SFMBT1: variants seen among roughly 807,000 people sequenced by gnomAD.
The protein encoded by SFMBT1 is Scm like with four mbt domains 1, also known as scm-like with four MBT domains protein 1.
In SFMBT1, 32 loss-of-function variants were observed where a neutral mutation model predicts 108.7. The observed-to-expected ratio is 0.29, with a 90% confidence interval of 0.22 to 0.40. The LOEUF (loss-of-function observed/expected upper bound fraction) is 0.40, where lower values mean the gene tolerates loss of function less well. Ranked by LOEUF, SFMBT1 falls within the 10% of genes least tolerant of loss-of-function variation. SFMBT1 has a pLI of 1.00. For synonymous variants in SFMBT1, 348 were observed against 369.5 expected (o/e 0.94, Z 0.67); for missense variants, 816 against 1,059.6 (o/e 0.77, Z 3.19).
At chr3:53,032,182 C>G (rs1575450816) in intron 1 of SFMBT1, among the ~76,000 whole-genome samples, 1 of 152,160 alleles carries the variant, frequency 6.6e-6, no homozygotes, top group East Asian at 1.9e-4. Context: ...CCAGCCTGGA[C>G]AACATGGCAA....
At chr3:53,013,615 CTTTTTTTTTTTTTTTT>C (rs397989629) in intron 1 of SFMBT1, among the ~76,000 whole-genome samples, 3 of 58,082 alleles carry the variant, frequency 5.2e-5, no homozygotes, top group African/African-American at 8.4e-5. Flanking sequence ...TATAAAGAAT[CTTTTTTTTTTTTTTTT>C]TTTTTTTTTT....
At chr3:52,911,407 T>A (rs1256634021) in intron 16 of SFMBT1, among the ~76,000 whole-genome samples, 1 of 152,212 alleles carries the variant, frequency 6.6e-6, no homozygotes, top group East Asian at 1.9e-4. Context: ...ATTAGCAAAA[T>A]TAAGCTCCTG....
intron 2 of SFMBT1, among the ~76,000 whole-genome samples, chr3:52,957,187 A>G (rs1703811221): frequency 1.3e-5 from 2 of 152,160 alleles, no homozygotes; most frequent in Non-Finnish European, 2.9e-5. Context: ...ACAACAGACA[A>G]GCAGAAAGCC....
chr3:52,927,524 ATT>A (rs1702692636), intron 9 of SFMBT1, among the ~76,000 whole-genome samples: 1 of 152,240 alleles, frequency 6.6e-6, no homozygotes, highest in Non-Finnish European at 1.5e-5. Flanking sequence ...ATTTGCTAAT[ATT>A]AAAAAATCAG....
At chr3:52,948,792 C>A (rs1025770598) in intron 3 of SFMBT1, among the ~76,000 whole-genome samples, 2 of 148,422 alleles carry the variant, frequency 1.3e-5, no homozygotes, top group African/African-American at 2.5e-5. Context: ...GCTAGGATTA[C>A]AGGTGTGCTC....
chr3:52,956,531 C>A (rs1336225904), intron 2 of SFMBT1, among the ~76,000 whole-genome samples: 3 of 152,014 alleles, frequency 2.0e-5, no homozygotes, highest in African/African-American at 4.8e-5. Context: ...AAGGCCGAGG[C>A]TGGTGGACGA....
At chr3:52,935,931 G>A (rs1484798287) in intron 4 of SFMBT1, among the ~76,000 whole-genome samples, 1 of 152,014 alleles carries the variant, frequency 6.6e-6, no homozygotes, top group Non-Finnish European at 1.5e-5. Flanking sequence ...GATTTCATTG[G>A]TTACGTCCCT....
At chr3:53,037,880 G>A (rs1054526716) in intron 1 of SFMBT1, among the ~76,000 whole-genome samples, 1 of 152,108 alleles carries the variant, frequency 6.6e-6, no homozygotes, top group Non-Finnish European at 1.5e-5. Flanking sequence ...AGGCCAAGGC[G>A]GATGGATCGC....
chr3:52,916,105 A>C (rs1412130907), intron 14 of SFMBT1, 45 bp downstream of exon 14: 2 of 1,538,954 alleles, frequency 1.3e-6, no homozygotes, highest in South Asian at 2.3e-5. Flanking sequence ...TAGTCCATTA[A>C]AAGAAACTAA....
chr3:52,932,017 T>C (rs772750041), intron 6 of SFMBT1, 45 bp downstream of exon 6: 3 of 1,587,678 alleles, frequency 1.9e-6, no homozygotes, highest in South Asian at 2.3e-5. Flanking sequence ...ATTAATAACA[T>C]AGCATGTTAA....
intron 2 of SFMBT1, among the ~76,000 whole-genome samples, chr3:52,968,321 G>A (rs1488398877): frequency 9.2e-5 from 14 of 152,102 alleles, no homozygotes. Context: ...TTGTGGTGAT[G>A]GAATAGTTCT....
chr3:53,003,534 G>A (rs1326809315), intron 1 of SFMBT1, among the ~76,000 whole-genome samples: 2 of 149,872 alleles, frequency 1.3e-5, no homozygotes, highest in African/African-American at 4.9e-5. Flanking sequence ...TATTCTCTCC[G>A]TTTTTCCGTA....
At chr3:53,034,868 G>A (rs999061107) in intron 1 of SFMBT1, among the ~76,000 whole-genome samples, 3 of 152,236 alleles carry the variant, frequency 2.0e-5, no homozygotes, top group Non-Finnish European at 4.4e-5. Context: ...GAACCCTGGA[G>A]GCAGAGGCTG....
At chr3:53,041,307 T>A (rs1223696991) in intron 1 of SFMBT1, among the ~76,000 whole-genome samples, 3 of 152,122 alleles carry the variant, frequency 2.0e-5, no homozygotes, top group Admixed American at 1.3e-4. Context: ...GTCATATGAT[T>A]TTTCTATTAA....
intron 8 of SFMBT1, among the ~76,000 whole-genome samples, chr3:52,928,853 A>G (rs1702770176): frequency 6.6e-6 from 1 of 151,422 alleles, no homozygotes; most frequent in South Asian, 2.1e-4. Flanking sequence ...ACAGGCATGC[A>G]CCACCATGCC....
chr3:52,937,589 T>A (rs1469903294), intron 4 of SFMBT1, among the ~76,000 whole-genome samples: 1 of 146,704 alleles, frequency 6.8e-6, no homozygotes, highest in African/African-American at 2.5e-5. Context: ...TGATTCATTC[T>A]TTTTTTTTTT....
At chr3:52,921,560 T>G in intron 11 of SFMBT1, 145 bp downstream of exon 11, 1 of 850,862 alleles carries the variant, frequency 1.2e-6, no homozygotes, top group East Asian at 2.8e-5. Flanking sequence ...AATAAATATT[T>G]CGCTTAGAGT....
intron 2 of SFMBT1, among the ~76,000 whole-genome samples, chr3:52,966,624 C>CAAAAAAAAA (rs35044878): frequency 1.4e-4 from 7 of 48,378 alleles, no homozygotes; most frequent in Admixed American, 2.8e-4. Context: ...GACTCAGTCT[C>CAAAAAAAAA]AAAAAAAAAA....
chr3:52,931,565 T>C (rs558979793), intron 6 of SFMBT1, among the ~76,000 whole-genome samples: 1 of 152,178 alleles, frequency 6.6e-6, no homozygotes, highest in South Asian at 2.1e-4. Flanking sequence ...CTTGGCCAGG[T>C]ACGGTGTCTC....
Sources: allele counts gnomAD v4.1 joint callset (sites outside exome capture counted in the v4.1 genomes callset), GRCh38; gene constraint gnomAD v4.1.1; transcripts MANE v1.5; gene names NCBI Gene and HGNC (gene_info 2026-07-23, HGNC 2026-07-21).